DCAF10: variants seen among roughly 807,000 people sequenced by gnomAD.
DCAF10 encodes the protein DDB1- and CUL4-associated factor 10.
DCAF10 carries 19 observed loss-of-function variants against 51.9 expected under a neutral mutation model. That is an observed-to-expected ratio of 0.37 (90% CI 0.26 to 0.54). The LOEUF is 0.54. Ranked by LOEUF, DCAF10 falls within the 20% of genes least tolerant of loss-of-function variation. The pLI is 0.87. For synonymous variants in DCAF10, 291 were observed against 297.1 expected (o/e 0.98, Z 0.21); for missense variants, 510 against 730.6 (o/e 0.70, Z 3.48).
At chr9:37,812,318 A>C (rs1023971444) in intron 1 of DCAF10, among the ~76,000 whole-genome samples, 18 of 152,208 alleles carry the variant, frequency 1.2e-4, no homozygotes, top group Non-Finnish European at 2.6e-4. Context: ...CTTAGCTACA[A>C]GAGTAAAGCT....
chr9:37,816,704 A>T (rs1202625611), intron 1 of DCAF10, among the ~76,000 whole-genome samples: 1 of 136,168 alleles, frequency 7.3e-6, no homozygotes, highest in African/African-American at 2.6e-5. Flanking sequence ...ACATAAATTG[A>T]TATGTTGATT....
intron 3 of DCAF10, among the ~76,000 whole-genome samples, chr9:37,849,641 G>A (rs1351340816): frequency 6.6e-6 from 1 of 152,100 alleles, no homozygotes; most frequent in Non-Finnish European, 1.5e-5. Context: ...CCAGCACTTT[G>A]GGAGGTTGAG....
At chr9:37,853,610 C>A (rs1429735379) in intron 3 of DCAF10, among the ~76,000 whole-genome samples, 1 of 151,936 alleles carries the variant, frequency 6.6e-6, no homozygotes, top group Non-Finnish European at 1.5e-5. Flanking sequence ...TACTCATTTT[C>A]ATTATATTTT....
chr9:37,852,190 T>C (rs1830673757), intron 3 of DCAF10, among the ~76,000 whole-genome samples: 1 of 152,178 alleles, frequency 6.6e-6, no homozygotes, highest in East Asian at 1.9e-4. Flanking sequence ...GTCAGACTAA[T>C]AGCAGACTCA....
rs1247237012 is a variant in DCAF10, at chr9:37,866,015, T to A, written c.*4507T>A. On this transcript the variant is annotated 3_prime_UTR_variant, in exon 7 of 7. Transcript: ENST00000377724. ...TGTGGTAGTGGCATCCATAAGTATC[T>A]TTTAACTTGCATTTAGCAGGACAAA... 1 of 152,656 alleles carries A rather than the reference T, an allele frequency of 6.6e-6. No homozygotes were observed. Among genetic ancestry groups the A allele is most frequent in the Non-Finnish European group, 1.5e-5 (1 of 68,040 alleles). 9.5% of individuals were successfully genotyped at this position (152,656 alleles called of 1,614,324 possible). A position where few individuals can be genotyped will look rare whatever the true frequency, so the allele number is the denominator to read the frequency against.
chr9:37,845,402 C>T (rs1300722519), intron 3 of DCAF10, among the ~76,000 whole-genome samples: 1 of 151,970 alleles, frequency 6.6e-6, no homozygotes, highest in African/African-American at 2.4e-5. Flanking sequence ...AAAAAGGAGA[C>T]AACAATATAG....
intron 1 of DCAF10, among the ~76,000 whole-genome samples, chr9:37,808,664 A>G (rs1205102300): frequency 9.7e-6 from 1 of 103,360 alleles, no homozygotes; most frequent in Non-Finnish European, 1.7e-5. Flanking sequence ...AAATATAAAT[A>G]TATTATATAA....
In DCAF10 at chr9:37,865,624, T is replaced by C. The variant is rs1335347250; in HGVS notation, c.*4116T>C. 2 of 152,194 alleles carry C rather than the reference T, an allele frequency of 1.3e-5. No homozygotes were observed. Among genetic ancestry groups the C allele is most frequent in the Admixed American group, 6.5e-5 (1 of 15,286 alleles). The allele number at this position is 152,194 out of a possible 1,614,324, so 9.4% of individuals were successfully genotyped here. ...GAACAGTGCATTTATGGCAATGCTA[T>C]GTTTAATGAGTTAGGGACATCAAAT... On this transcript the variant is annotated 3_prime_UTR_variant, in exon 7 of 7. Transcript: ENST00000377724.
intron 2 of DCAF10, 78 bp from the exon 3 acceptor site, chr9:37,842,011 A>C: frequency 7.2e-7 from 1 of 1,380,178 alleles, no homozygotes; most frequent in Non-Finnish European, 9.9e-7. Context: ...ACTAGGTAAT[A>C]TAGTGACTGT....
In DCAF10 at chr9:37,864,706, T is replaced by TA. The variant is rs1390548658; in HGVS notation, c.*3201dup. On this transcript the variant is annotated 3_prime_UTR_variant, in exon 7 of 7. Coordinates refer to ENST00000377724, the MANE Select transcript of DCAF10 (RefSeq NM_024345.5). Reference sequence around the variant, plus strand: ...ATATTGACATTCAAAAGAAGTTTCATAAATCGTATCAACTCTGGAAAGAGT... The same window carrying TA: ...ATATTGACATTCAAAAGAAGTTTCATAAAATCGTATCAACTCTGGAAAGAGT... 6.6e-6 allele frequency: 1 copy of TA among 152,162 alleles called. No individual in the cohort carries two copies. Among genetic ancestry groups the TA allele is most frequent in the Non-Finnish European group, 1.5e-5 (1 of 68,020 alleles). The allele number at this position is 152,162 out of a possible 1,614,324, so 9.4% of individuals were successfully genotyped here.
intron 2 of DCAF10, among the ~76,000 whole-genome samples, chr9:37,821,830 C>G (rs779974351): frequency 3.3e-5 from 5 of 151,880 alleles, no homozygotes; most frequent in Non-Finnish European, 7.4e-5. Flanking sequence ...AACAGACAAC[C>G]CACAGAGTGG....
chr9:37,862,060 A>G lies in DCAF10; in HGVS notation c.*552A>G, dbSNP rs1831035198. 1 of 152,636 alleles carries G rather than the reference A, an allele frequency of 6.6e-6. No homozygotes were observed. The highest frequency in any genetic ancestry group is 2.1e-4 in the South Asian group (1 of 4,838). The allele number at this position is 152,636 out of a possible 1,614,324, so 9.5% of individuals were successfully genotyped here. A position where few individuals can be genotyped will look rare whatever the true frequency, so the allele number is the denominator to read the frequency against. On this transcript the variant is annotated 3_prime_UTR_variant, in exon 7 of 7. Transcript: ENST00000377724. ...ATGTTTATCTATATTGAGCACAGATAATGGCATTATTCTTATAATTGTTAA... is the reference window on the plus strand; with the variant it reads ...ATGTTTATCTATATTGAGCACAGATGATGGCATTATTCTTATAATTGTTAA...
chr9:37,854,215 TCAGC>T (rs1830779000), intron 3 of DCAF10, among the ~76,000 whole-genome samples: 1 of 151,938 alleles, frequency 6.6e-6, no homozygotes, highest in East Asian at 1.9e-4. Context: ...TCCTCCCACC[TCAGC>T]CTCCTGAGTA....
Position 37,864,920 on chromosome 9 carries a change from C to T in DCAF10, c.*3412C>T, listed in dbSNP as rs534395576. ...ATAGTGGGTCAGAAAGATTAAATGA[C>T]TTGCCTTAAGTCATAGAGTTAGCAG... is the stretch of plus-strand genomic sequence containing the variant. On this transcript the variant is annotated 3_prime_UTR_variant, in exon 7 of 7. Transcript: ENST00000377724. 1 of 152,228 alleles carries T rather than the reference C, an allele frequency of 6.6e-6. No individual in the cohort carries two copies. The highest frequency in any genetic ancestry group is 2.1e-4 in the South Asian group (1 of 4,828). The allele number at this position is 152,228 out of a possible 1,614,324, so 9.4% of individuals were successfully genotyped here. A position where few individuals can be genotyped will look rare whatever the true frequency, so the allele number is the denominator to read the frequency against.
chr9:37,853,140 G>C (rs1361911736), intron 3 of DCAF10, among the ~76,000 whole-genome samples: 2 of 110,886 alleles, frequency 1.8e-5, no homozygotes, highest in Admixed American at 1.9e-4. Flanking sequence ...CAACAAGAGT[G>C]AAACTCCGTC....
intron 2 of DCAF10, among the ~76,000 whole-genome samples, chr9:37,823,876 C>CA (rs1829777119): frequency 9.1e-5 from 11 of 120,752 alleles, no homozygotes. Context: ...TAGAGCACAT[C>CA]TTTTTTTTTT....
intron 1 of DCAF10, among the ~76,000 whole-genome samples, chr9:37,807,748 C>T (rs749106232): frequency 6.0e-5 from 9 of 148,806 alleles, no homozygotes; most frequent in Non-Finnish European, 1.0e-4. Context: ...ATGCAACCTC[C>T]AGCTCCCAGG....
At chr9:37,838,273 A>G (rs1395075203) in intron 2 of DCAF10, among the ~76,000 whole-genome samples, 2 of 152,192 alleles carry the variant, frequency 1.3e-5, no homozygotes, top group Admixed American at 6.5e-5. Context: ...TAAAAGTTTC[A>G]ACTTAAAACA....
Position 37,800,811 on chromosome 9 carries a change from A to G in DCAF10, c.-56A>G, listed in dbSNP as rs1828894227. 1 of 1,499,384 alleles carries G rather than the reference A, an allele frequency of 6.7e-7. No individual in the cohort carries two copies. The highest frequency in any genetic ancestry group is 8.9e-7 in the Non-Finnish European group (1 of 1,129,772). 92.9% of individuals were successfully genotyped at this position (1,499,384 alleles called of 1,614,324 possible). A position where few individuals can be genotyped will look rare whatever the true frequency, so the allele number is the denominator to read the frequency against. On this transcript the variant is annotated 5_prime_UTR_variant, in exon 1 of 7. Transcript: ENST00000377724. ...CCGGAAGTGGCAGCTGAACAGGGGCACTGAGGTGTCGGCCGGCGGGGCAGT... is the reference window on the plus strand; with the variant it reads ...CCGGAAGTGGCAGCTGAACAGGGGCGCTGAGGTGTCGGCCGGCGGGGCAGT...
Sources: gnomAD v4.1 joint callset for allele counts (sites outside exome capture counted in the v4.1 genomes callset) on GRCh38, gnomAD v4.1.1 for gene constraint, MANE v1.5 for transcripts, NCBI Gene and HGNC (gene_info 2026-07-23, HGNC 2026-07-21) for gene names.